Variants in CASR observed in about 807,000 individuals in gnomAD.
The protein encoded by CASR is extracellular calcium-sensing receptor.
CASR carries 23 observed loss-of-function variants against 69.1 expected under a neutral mutation model. That is an observed-to-expected ratio of 0.33 (90% CI 0.24 to 0.47). The LOEUF (loss-of-function observed/expected upper bound fraction) is 0.47. Ranked by LOEUF, CASR falls within the 20% of genes least tolerant of loss-of-function variation. CASR has a pLI of 1.00. For missense variants in CASR, 924 were observed against 1,356.1 expected (o/e 0.68, Z 5.00); for synonymous variants, 541 against 544.7 (o/e 0.99, Z 0.10).
intron 1 of CASR, among the ~76,000 whole-genome samples, chr3:122,239,573 G>A (rs1404136278): frequency 6.6e-6 from 1 of 152,234 alleles, no homozygotes; most frequent in Admixed American, 6.5e-5. Context: ...GTAGAACATA[G>A]ATGGTAGCCA....
rs765233345 is a variant in CASR, at chr3:122,290,444, G to GTTTC, written c.*5255_*5258dup. 1.3e-4 allele frequency: 20 copies of GTTTC among 152,066 alleles called. No individual in the cohort carries two copies. The highest frequency in any genetic ancestry group is 2.2e-4 in the Non-Finnish European group (15 of 68,010). 9.4% of individuals were successfully genotyped at this position (152,066 alleles called of 1,614,324 possible). A position where few individuals can be genotyped will look rare whatever the true frequency, so the allele number is the denominator to read the frequency against. ...TGTCCTGATTTTCTTTAAATGTTTTGTTTCTATCTGACCTCTCATTATAAA... is the reference window on the plus strand; with the variant it reads ...TGTCCTGATTTTCTTTAAATGTTTTGTTTCTTTCTATCTGACCTCTCATTATAAA... On this transcript the variant is annotated 3_prime_UTR_variant, in exon 7 of 7. Coordinates refer to ENST00000639785, the MANE Select transcript of CASR (RefSeq NM_000388.4).
intron 1 of CASR, among the ~76,000 whole-genome samples, chr3:122,215,696 G>C (rs2074110943): frequency 6.6e-6 from 1 of 152,186 alleles, no homozygotes; most frequent in Admixed American, 6.5e-5. Context: ...TTTCAAAATA[G>C]GTCAGAGTTG....
intron 4 of CASR, among the ~76,000 whole-genome samples, chr3:122,275,318 C>A (rs921154121): frequency 6.6e-6 from 1 of 152,190 alleles, no homozygotes; most frequent in East Asian, 1.9e-4. Flanking sequence ...CTTCCTTCAC[C>A]CCACTCTGTG....
intron 1 of CASR, among the ~76,000 whole-genome samples, chr3:122,252,334 GAGAAAGAAAGAAGAAAGAA>G (rs1218109538): frequency 1.7e-4 from 8 of 48,362 alleles, no homozygotes; most frequent in African/African-American, 5.0e-4. Flanking sequence ...AAGAAAGAGA[GAGAAAGAAAGAAGAAAGAA>G]AGAAAGAAAG....
chr3:122,261,571 A>G lies in CASR; in HGVS notation c.536A>G (p.Gln179Arg), dbSNP rs878928634. Residue 179 changes from glutamine to arginine, a missense_variant, in exon 4 of 7, where the codon CAA (glutamine) becomes CGA (arginine). By Grantham distance (43) the Gln-to-Arg change is conservative (BLOSUM62 1). This residue lies in a region of CASR where 141 missense variants were observed against 283.0 expected (regional missense o/e 0.50). Transcript: ENST00000639785. ...AGCAGACTCCTCAGCAACAAGAATC[A>G]ATTCAAGTCTTTCCTCCGAACCATC... ...SSSRLLSNKNQFKSFLRTIPN... is the reference protein window; with the variant it reads ...SSSRLLSNKNRFKSFLRTIPN... 11 of 1,614,058 alleles carry G rather than the reference A, an allele frequency of 6.8e-6. 1 individual carries two copies. The South Asian group carries it at 1.2e-4, about 18-fold the overall frequency.
Position 122,201,779 on chromosome 3 carries a change from C to T in CASR, c.-243+17967C>T, listed in dbSNP as rs182146287. Among the ~76,000 whole-genome samples, 417 of 151,198 alleles carry T rather than the reference C, an allele frequency of 2.8e-3. 1 individual carries two copies. The highest frequency in any genetic ancestry group is 0.01 in the Middle Eastern group (3 of 294). On this transcript the variant is annotated intron_variant, in intron 1 of 6. Transcript: ENST00000639785. ...GCGGAGGGTCTCCTCACTTCTCAGA[C>T]GGGGCAGCGGGGCAGAGGTGCTCCC...
rs2073744528 is a variant in CASR, at chr3:122,183,823, G to A, written c.-243+11G>A. The A allele has an allele frequency of 6.6e-6, 1 of 152,186 alleles. No individual in the cohort carries two copies. The highest frequency in any genetic ancestry group is 2.1e-4 in the South Asian group (1 of 4,820). The allele number at this position is 152,186 out of a possible 1,614,324, so 9.4% of individuals were successfully genotyped here. On this transcript the variant is annotated intron_variant, in intron 1 of 6. Coordinates refer to ENST00000639785, the MANE Select transcript of CASR (RefSeq NM_000388.4). ...AGTCTTGCAGAATGAGTAAGAGTTT[G>A]GGCACGCGATTTGTATTTATTTTAC...
At chr3:122,199,785 A>G (rs1433397294) in intron 1 of CASR, among the ~76,000 whole-genome samples, 1 of 152,222 alleles carries the variant, frequency 6.6e-6, no homozygotes, top group Non-Finnish European at 1.5e-5. Context: ...CAAAATTACA[A>G]CTAGATAGGA....
intron 4 of CASR, among the ~76,000 whole-genome samples, chr3:122,265,199 A>G (rs989258906): frequency 6.6e-6 from 1 of 152,216 alleles, no homozygotes. Context: ...ATGTTTATAT[A>G]CCCAGCTTAA....
intron 1 of CASR, among the ~76,000 whole-genome samples, chr3:122,189,356 G>T (rs568320355): frequency 3.7e-4 from 56 of 152,202 alleles, no homozygotes; most frequent in Non-Finnish European, 6.0e-4. Flanking sequence ...TATGGTGGGT[G>T]CTTAACTAGC....
chr3:122,219,563 G>T (rs1018443703), intron 1 of CASR, among the ~76,000 whole-genome samples: 1 of 152,166 alleles, frequency 6.6e-6, no homozygotes, highest in Non-Finnish European at 1.5e-5. Flanking sequence ...GTGAAGGGAG[G>T]AATCTGTTGA....
rs565491972 is a variant in CASR at position 122,284,514 on chromosome 3, T to A, written c.2560T>A (p.Phe854Ile). Residue 854 changes from phenylalanine to isoleucine, a missense_variant, in exon 7 of 7, where the codon TTC (phenylalanine) becomes ATC (isoleucine). Transcript: ENST00000639785. ...ASFGLLACIF[F>I]NKIYIILFKP... is the part of the protein sequence containing the mutation. ...CTTTGGCTTGCTGGCGTGCATCTTCTTCAACAAGATCTACATCATTCTCTT... is the reference window on the plus strand; with the variant it reads ...CTTTGGCTTGCTGGCGTGCATCTTCATCAACAAGATCTACATCATTCTCTT... 1 of 1,613,368 alleles carries A rather than the reference T, an allele frequency of 6.2e-7. No homozygotes were observed. The highest frequency in any genetic ancestry group is 1.7e-5 in the Admixed American group (1 of 60,012).
In CASR at chr3:122,284,219, G is replaced by T. The variant is rs201366240; in HGVS notation, c.2265G>T (p.Glu755Asp). The change falls in exon 7 of 7, where the codon GAG (glutamate) becomes GAT (aspartate). Residue 755 changes from glutamate to aspartate, a missense_variant. By Grantham distance (45) the Glu-to-Asp change is conservative. Coordinates refer to ENST00000639785, the MANE Select transcript of CASR (RefSeq NM_000388.4). ...CCCCGTCAAGCTACCGCAACCAGGA[G>T]CTGGAGGATGAGATCATCTTCATCA... ...TAPPSSYRNQ[E>D]LEDEIIFITC... The T allele has an allele frequency of 5.6e-5, 91 of 1,613,958 alleles. No individual in the cohort carries two copies. Among genetic ancestry groups the T allele is most frequent in the Non-Finnish European group, 7.3e-5 (86 of 1,180,054 alleles).
At chr3:122,225,723 G>C (rs756976394) in intron 1 of CASR, among the ~76,000 whole-genome samples, 1 of 152,146 alleles carries the variant, frequency 6.6e-6, no homozygotes, top group Non-Finnish European at 1.5e-5. Flanking sequence ...CCACTACTGG[G>C]TATACACCCA....
At chr3:122,238,899 T>C (rs9845843) in intron 1 of CASR, among the ~76,000 whole-genome samples, 3,295 of 152,190 alleles carry the variant, frequency 0.022, 111 homozygotes, top group African/African-American at 0.074. Flanking sequence ...ACTAAAGAGC[T>C]CTTGGGCCCT....
At chr3:122,229,576 C>T (rs1405697209) in intron 1 of CASR, among the ~76,000 whole-genome samples, 1 of 149,092 alleles carries the variant, frequency 6.7e-6, no homozygotes, top group Non-Finnish European at 1.5e-5. Context: ...AAGTAAGAAG[C>T]CTCAGCCAAG....
At chr3:122,253,138 C>CA (rs1238800202) in intron 1 of CASR, among the ~76,000 whole-genome samples, 2 of 151,724 alleles carry the variant, frequency 1.3e-5, no homozygotes, top group African/African-American at 4.8e-5. Flanking sequence ...GAGACCTGCA[C>CA]AAAAAAAGGA....
intron 1 of CASR, among the ~76,000 whole-genome samples, chr3:122,253,332 C>T (rs2074517957): frequency 6.6e-6 from 1 of 152,218 alleles, no homozygotes; most frequent in Admixed American, 6.5e-5. Context: ...ACCTCCACCT[C>T]CCAGATTCAA....
intron 4 of CASR, among the ~76,000 whole-genome samples, chr3:122,265,944 T>C (rs892308988): frequency 2.0e-5 from 3 of 151,976 alleles, no homozygotes; most frequent in Non-Finnish European, 4.4e-5. Flanking sequence ...CCAGAGAAGA[T>C]GGAAGGGAGA....
Sources: gnomAD v4.1 joint callset for allele counts (sites outside exome capture counted in the v4.1 genomes callset) on GRCh38, gnomAD v4.1.1 for gene constraint, gnomAD v4.1.1 regional missense constraint, MANE v1.5 for transcripts, NCBI Gene and HGNC (gene_info 2026-07-23, HGNC 2026-07-21) for gene names.